SRL: variants seen among roughly 807,000 people sequenced by gnomAD.
The protein encoded by SRL is sarcalumenin.
In SRL, 23 loss-of-function variants were observed where a neutral mutation model predicts 39.5. The observed-to-expected ratio is 0.58, with a 90% CI of 0.42 to 0.82. The LOEUF is 0.82. Among genes scored for constraint, SRL ranks in the 40% least tolerant of loss-of-function variants. SRL has a pLI of 0.00. For missense variants in SRL, 592 were observed against 607.8 expected (o/e 0.97, Z 0.27); for synonymous variants, 272 against 237.4 (o/e 1.15, Z -1.34).
At chr16:4,205,170 C>T (rs1029763730) in intron 1 of SRL, among the ~76,000 whole-genome samples, 19 of 151,982 alleles carry the variant, frequency 1.3e-4, no homozygotes, top group African/African-American at 4.6e-4. Context: ...CAAAAAAAAA[C>T]TTTCCAAGGA....
At chr16:4,229,744 A>T (rs1033761396) in intron 1 of SRL, among the ~76,000 whole-genome samples, 7 of 152,120 alleles carry the variant, frequency 4.6e-5, no homozygotes, top group African/African-American at 1.2e-4. Context: ...CACTACATCC[A>T]TGTAAAAAAC....
At chr16:4,203,129 C>G (rs56280975) in intron 3 of SRL, 37 bp downstream of exon 3, 18 of 1,586,360 alleles carry the variant, frequency 1.1e-5, no homozygotes, top group South Asian at 2.2e-5. Flanking sequence ...GCGCCGTACC[C>G]GTAATCTCAA....
At chr16:4,216,035 C>CAA (rs555368988) in intron 1 of SRL, among the ~76,000 whole-genome samples, 3 of 141,880 alleles carry the variant, frequency 2.1e-5, no homozygotes, top group Admixed American at 7.1e-5. Flanking sequence ...GACCCTGTCT[C>CAA]AAAAAAAAAA....
intron 2 of SRL, among the ~76,000 whole-genome samples, chr16:4,203,934 G>C (rs2052275978): frequency 6.6e-6 from 1 of 152,232 alleles, no homozygotes; most frequent in South Asian, 2.1e-4. Flanking sequence ...ACTCCCCGGA[G>C]GGGTGGGGTC....
At chr16:4,229,614 C>T (rs940246231) in intron 1 of SRL, among the ~76,000 whole-genome samples, 1 of 151,980 alleles carries the variant, frequency 6.6e-6, no homozygotes, top group Non-Finnish European at 1.5e-5. Context: ...GAACAATAGA[C>T]ACTGTGGACT....
At chr16:4,215,563 C>T (rs1180945607) in intron 1 of SRL, among the ~76,000 whole-genome samples, 4 of 152,292 alleles carry the variant, frequency 2.6e-5, no homozygotes, top group Admixed American at 2.0e-4. Flanking sequence ...AGGTAGTAGG[C>T]AGCAGTCTGC....
intron 1 of SRL, among the ~76,000 whole-genome samples, chr16:4,235,777 C>A (rs114916148): frequency 6.6e-6 from 1 of 152,168 alleles, no homozygotes. Context: ...ATATCCACCG[C>A]GCCAATTTCC....
chr16:4,232,168 C>A (rs1217970206), intron 1 of SRL, among the ~76,000 whole-genome samples: 1 of 151,808 alleles, frequency 6.6e-6, no homozygotes, highest in East Asian at 1.9e-4. Flanking sequence ...GGAAAGGAAA[C>A]AAAGGCAGGA....
rs944235631 is a variant in SRL at position 4,220,457 on chromosome 16, C to A, written c.62-15823G>T. Among the ~76,000 whole-genome samples the A allele has an allele frequency of 8.1e-4, 122 of 150,736 alleles. 1 individual carries two copies. Among genetic ancestry groups the A allele is most frequent in the African/African-American group, 2.8e-3 (116 of 41,218 alleles). ...GAGACACTGTCCTAGAAAAAAAAAACACACACACATCTCATGTCTTCCCTG... is the reference window on the plus strand; with the variant it reads ...GAGACACTGTCCTAGAAAAAAAAAAAACACACACATCTCATGTCTTCCCTG... On this transcript the variant is annotated intron_variant, in intron 1 of 5. Coordinates refer to ENST00000399609, the MANE Select transcript of SRL (RefSeq NM_001098814.2).
At chr16:4,240,156 C>T (rs1316037573) in intron 1 of SRL, among the ~76,000 whole-genome samples, 1 of 152,070 alleles carries the variant, frequency 6.6e-6, no homozygotes, top group Non-Finnish European at 1.5e-5. Context: ...GAGTGGTGAG[C>T]GAGAATATCT....
chr16:4,224,162 A>G (rs966553038), intron 1 of SRL, among the ~76,000 whole-genome samples: 1 of 152,128 alleles, frequency 6.6e-6, no homozygotes, highest in Non-Finnish European at 1.5e-5. Context: ...AGAGAGGAGT[A>G]GAAAGATCAG....
chr16:4,228,369 G>T (rs1044031205), intron 1 of SRL, among the ~76,000 whole-genome samples: 1 of 152,154 alleles, frequency 6.6e-6, no homozygotes, highest in African/African-American at 2.4e-5. Flanking sequence ...CCGGGAGGTG[G>T]AGGTTGCAGT....
chr16:4,197,765 C>G (rs779462574), intron 4 of SRL, 34 bp downstream of exon 4: 1 of 1,440,342 alleles, frequency 6.9e-7, no homozygotes, highest in East Asian at 2.3e-5. Context: ...ATACAACATT[C>G]AAATCCCAAC....
intron 1 of SRL, among the ~76,000 whole-genome samples, chr16:4,220,700 T>C (rs1015969641): frequency 7.9e-5 from 12 of 152,184 alleles, no homozygotes; most frequent in African/African-American, 2.4e-4. Context: ...ACTGAGAGCC[T>C]GGGCTCTCTG....
chr16:4,217,124 C>G (rs754778302), intron 1 of SRL, among the ~76,000 whole-genome samples: 1 of 152,184 alleles, frequency 6.6e-6, no homozygotes, highest in Non-Finnish European at 1.5e-5. Flanking sequence ...GTGACACCTT[C>G]CCTAGCCTGA....
Position 4,195,844 on chromosome 16 carries a change from G to T in SRL, c.377-58C>A, listed in dbSNP as rs1290130111. On this transcript the variant is annotated intron_variant, in intron 4 of 5. Coordinates refer to ENST00000399609, the MANE Select transcript of SRL (RefSeq NM_001098814.2). ...ATGATCTCTGTGAAACAGATCTACT[G>T]AGAAGCATGTGTATATGCCTGGTGT... 5.0e-5 allele frequency: 73 copies of T among 1,450,146 alleles called. 1 individual carries two copies. In the South Asian group the frequency reaches 8.2e-4, roughly 16 times the overall value. 89.8% of individuals were successfully genotyped at this position (1,450,146 alleles called of 1,614,324 possible). A position where few individuals can be genotyped will look rare whatever the true frequency, so the allele number is the denominator to read the frequency against.
intron 4 of SRL, 152 bp downstream of exon 4, chr16:4,197,647 A>C: frequency 1.6e-6 from 1 of 643,644 alleles, no homozygotes; most frequent in East Asian, 2.7e-5. Context: ...GGCTGGTCTC[A>C]AACTGACGGC....
intron 1 of SRL, among the ~76,000 whole-genome samples, chr16:4,235,322 G>A (rs1284011627): frequency 6.6e-6 from 1 of 152,176 alleles, no homozygotes; most frequent in Non-Finnish European, 1.5e-5. Flanking sequence ...GACACGAGAG[G>A]GCACAGGCCT....
In SRL at chr16:4,201,945, C is replaced by T. The variant is rs555454510; in HGVS notation, c.259+1221G>A. 2.9e-3 allele frequency among the ~76,000 whole-genome samples: 446 copies of T among 152,180 alleles called. 1 individual carries two copies. The highest frequency in any genetic ancestry group is 0.01 in the Middle Eastern group (3 of 294). On this transcript the variant is annotated intron_variant, in intron 3 of 5. Transcript: ENST00000399609. ...CTGGTATTACAGGTGTGAGCCACCA[C>T]GCCCGCCCCTAATTTTTGTATTTTT... is the stretch of plus-strand genomic sequence containing the variant.
Sources: gnomAD v4.1 joint callset for allele counts (sites outside exome capture counted in the v4.1 genomes callset) on GRCh38, gnomAD v4.1.1 for gene constraint, MANE v1.5 for transcripts, NCBI Gene and HGNC (gene_info 2026-07-23, HGNC 2026-07-21) for gene names.